CRISP3: variants seen among roughly 807,000 people sequenced by gnomAD.
The protein encoded by CRISP3 is cysteine rich secretory protein 3.
In CRISP3, 33 loss-of-function variants were observed where a neutral mutation model predicts 36.1. The observed-to-expected ratio is 0.91, with a 90% CI of 0.69 to 1.22. The LOEUF (loss-of-function observed/expected upper bound fraction) is 1.22. Among genes scored for constraint, CRISP3 ranks in the 50% most tolerant of loss-of-function variants. CRISP3 has a pLI of 0.00. For missense variants in CRISP3, 330 were observed against 301.2 expected (o/e 1.10, Z -0.71); for synonymous variants, 117 against 104.6 (o/e 1.12, Z -0.72).
rs1241219810 is a variant in CRISP3, at chr6:49,741,018, G to A, written c.37+3313C>T. Among the ~76,000 whole-genome samples the A allele has an allele frequency of 2.6e-5, 4 of 151,554 alleles. No individual in the cohort carries two copies. In the East Asian group the frequency reaches 5.8e-4, roughly 22 times the overall value. ...CGGGAGGCTGAGGCAGGAGAATGGC[G>A]TGAACTCGGGAGGCAGAGCTTGCAG... On this transcript the variant is annotated intron_variant, in intron 1 of 7. Coordinates refer to ENST00000263045, the MANE Select transcript of CRISP3 (RefSeq NM_006061.4).
intron 6 of CRISP3, among the ~76,000 whole-genome samples, chr6:49,732,480 A>G (rs1768939311): frequency 6.6e-6 from 1 of 152,148 alleles, no homozygotes; most frequent in South Asian, 2.1e-4. Flanking sequence ...TATATCTTCA[A>G]TATATCCACA....
In CRISP3 at chr6:49,742,744, A is replaced by C. The variant is rs7771882; in HGVS notation, c.37+1587T>G. Among the ~76,000 whole-genome samples the C allele has an allele frequency of 9.8e-4, 150 of 152,294 alleles. 2 individuals are homozygous for C. Among genetic ancestry groups the C allele is most frequent in the African/African-American group, 3.4e-3 (141 of 41,586 alleles). On this transcript the variant is annotated intron_variant, in intron 1 of 7. Coordinates refer to ENST00000263045, the MANE Select transcript of CRISP3 (RefSeq NM_006061.4). ...GATAGACTTCAAACATTTGTTGACA[A>C]AAATTTAATATTATTGTAGGAACAG...
intron 1 of CRISP3, among the ~76,000 whole-genome samples, chr6:49,738,107 T>C (rs1434875738): frequency 6.6e-6 from 1 of 152,188 alleles, no homozygotes; most frequent in Non-Finnish European, 1.5e-5. Context: ...GGTAATAATT[T>C]GATTCTCATG....
chr6:49,742,281 T>C (rs1361583723), intron 1 of CRISP3, among the ~76,000 whole-genome samples: 1 of 152,150 alleles, frequency 6.6e-6, no homozygotes, highest in Non-Finnish European at 1.5e-5. Context: ...CTGATAATTG[T>C]TTACTTTAAT....
At chr6:49,733,547 A>C (rs1768967237) in intron 5 of CRISP3, among the ~76,000 whole-genome samples, 156 bp downstream of exon 5, 1 of 152,174 alleles carries the variant, frequency 6.6e-6, no homozygotes, top group Non-Finnish European at 1.5e-5. Flanking sequence ...CTACTGAAAA[A>C]TGACAGTTCA....
At position 49,734,237 on chromosome 6, in the gene CRISP3, T is replaced by C. The variant is rs147501303; in HGVS notation, c.317-389A>G. On this transcript the variant is annotated intron_variant, in intron 4 of 7. Transcript: ENST00000263045. Reference sequence around the variant, plus strand: ...ACAGAGATCAACTTAGTAATTCCTCTCCTGCTCTAGCCCATACTCACCAGA... The same window carrying C: ...ACAGAGATCAACTTAGTAATTCCTCCCCTGCTCTAGCCCATACTCACCAGA... Among the ~76,000 whole-genome samples, 29 of 152,286 alleles carry C rather than the reference T, an allele frequency of 1.9e-4. 1 individual carries two copies. The East Asian group carries it at 5.4e-3, about 28-fold the overall frequency.
Position 49,727,524 on chromosome 6 carries a change from G to T in CRISP3, c.*1206C>A, listed in dbSNP as rs1042428923. The T allele has an allele frequency of 2.0e-5, 3 of 151,984 alleles. No individual in the cohort carries two copies. Among genetic ancestry groups the T allele is most frequent in the African/African-American group, 7.2e-5 (3 of 41,382 alleles). The allele number at this position is 151,984 out of a possible 1,614,324, so 9.4% of individuals were successfully genotyped here. On this transcript the variant is annotated 3_prime_UTR_variant, in exon 8 of 8. Transcript: ENST00000263045. ...TACATTACCCTGCTATATTTATCAA[G>T]ATTAAGAAATCAACACTACTGTTAA...
Position 49,733,856 on chromosome 6 carries a change from G to T in CRISP3, c.317-8C>A, listed in dbSNP as rs752734188. The T allele has an allele frequency of 1.2e-6, 2 of 1,612,254 alleles. No individual in the cohort carries two copies. Among genetic ancestry groups the T allele is most frequent in the Admixed American group, 1.7e-5 (1 of 59,904 alleles). On this transcript the variant is annotated splice_region_variant and splice_polypyrimidine_tract_variant and intron_variant, in intron 4 of 7. Transcript: ENST00000263045. ...TCTCACCACATTTTAGACCTAAGAA[G>T]GAACAGACCACTCATGAGGAAAGCA... is the stretch of plus-strand genomic sequence containing the variant.
At chr6:49,734,998 A>T (rs1476578246) in intron 4 of CRISP3, among the ~76,000 whole-genome samples, 2 of 152,170 alleles carry the variant, frequency 1.3e-5, no homozygotes, top group African/African-American at 4.8e-5. Flanking sequence ...AAATAATAAA[A>T]GTTAATGCTA....
chr6:49,741,821 G>C (rs1043687021), intron 1 of CRISP3, among the ~76,000 whole-genome samples: 1 of 144,932 alleles, frequency 6.9e-6, no homozygotes, highest in Non-Finnish European at 1.5e-5. Context: ...AGAAAAGAAA[G>C]TATATACATA....
chr6:49,730,207 A>G (rs1440849026), intron 7 of CRISP3, among the ~76,000 whole-genome samples: 2 of 152,094 alleles, frequency 1.3e-5, no homozygotes, highest in Non-Finnish European at 2.9e-5. Flanking sequence ...ATCTCTTTGT[A>G]CTTTTATTTA....
intron 7 of CRISP3, 58 bp from the exon 8 acceptor site, chr6:49,728,915 C>T (rs1768845570): frequency 7.9e-6 from 12 of 1,522,600 alleles, no homozygotes; most frequent in Non-Finnish European, 1.1e-5. Context: ...ATAACAGCAA[C>T]ACAAACAAAA....
chr6:49,735,583 G>T lies in CRISP3; in HGVS notation c.237C>A (p.Asn79Lys), dbSNP rs1039755792. The T allele has an allele frequency of 2.5e-6, 4 of 1,611,546 alleles. No homozygotes were observed. The Admixed American group carries it at 6.7e-5, about 27-fold the overall frequency. ...TTTGGGCATTTGCTGCAGCCTCTTTGTTCCATTCCTGAAACAAGGACAGAA... is the reference window on the plus strand; with the variant it reads ...TTTGGGCATTTGCTGCAGCCTCTTTTTTCCATTCCTGAAACAAGGACAGAA... ...PARNMLKMEWNKEAAANAQKW... is the reference protein window; with the variant it reads ...PARNMLKMEWKKEAAANAQKW... The change falls in exon 4 of 8, where the codon AAC becomes AAA. Residue 79 changes from asparagine (N) to lysine (K), a missense_variant. Coordinates refer to ENST00000263045, the MANE Select transcript of CRISP3 (RefSeq NM_006061.4).
intron 7 of CRISP3, among the ~76,000 whole-genome samples, 190 bp downstream of exon 7, chr6:49,730,973 C>A (rs536754576): frequency 6.6e-6 from 1 of 152,270 alleles, no homozygotes; most frequent in East Asian, 1.9e-4. Context: ...TCCCTGCAAG[C>A]GGAGGTTGCA....
chr6:49,740,007 A>G (rs564715598), intron 1 of CRISP3, among the ~76,000 whole-genome samples: 1 of 152,324 alleles, frequency 6.6e-6, no homozygotes, highest in South Asian at 2.1e-4. Flanking sequence ...TGATTAGAGA[A>G]AAACCAAGTC....
rs538180553 is a variant in CRISP3, at chr6:49,737,529, G to A, written c.38-131C>T. On this transcript the variant is annotated intron_variant, in intron 1 of 7. Transcript: ENST00000263045. ...ATTCATTATTAATGTAACAGGAGAA[G>A]ACTTGTCACATGGAGCCAGCAGAAT... 5.5e-6 allele frequency: 5 copies of A among 904,700 alleles called. No homozygotes were observed. In the East Asian group the frequency reaches 7.9e-5, roughly 14 times the overall value. 56.0% of individuals were successfully genotyped at this position (904,700 alleles called of 1,614,324 possible). A position where few individuals can be genotyped will look rare whatever the true frequency, so the allele number is the denominator to read the frequency against.
intron 1 of CRISP3, 133 bp from the exon 2 acceptor site, chr6:49,737,531 C>T: frequency 2.2e-6 from 2 of 892,640 alleles, no homozygotes; most frequent in Non-Finnish European, 3.5e-6. Context: ...CAGGAGAAGA[C>T]TTGTCACATG....
At chr6:49,733,663 G>T (rs1415205958) in intron 5 of CRISP3, 40 bp downstream of exon 5, 1 of 1,535,892 alleles carries the variant, frequency 6.5e-7, no homozygotes, top group Non-Finnish European at 8.8e-7. Context: ...TTTTTTTAGG[G>T]CACTTATAAA....
intron 1 of CRISP3, among the ~76,000 whole-genome samples, chr6:49,743,392 T>C (rs1370769127): frequency 1.3e-5 from 2 of 152,174 alleles, no homozygotes; most frequent in Non-Finnish European, 2.9e-5. Flanking sequence ...TCAATTTAAT[T>C]TCTTTTGATC....
Sources: allele counts gnomAD v4.1 joint callset (sites outside exome capture counted in the v4.1 genomes callset), GRCh38; gene constraint gnomAD v4.1.1; transcripts MANE v1.5; gene names NCBI Gene and HGNC (gene_info 2026-07-23, HGNC 2026-07-21).